Variants in CREBBP observed in about 807,000 individuals in gnomAD.
The protein encoded by CREBBP is CREB binding lysine acetyltransferase.
Under a neutral mutation model 265.0 loss-of-function variants are expected in CREBBP, and 19 were observed. The ratio of observed to expected loss-of-function variants is 0.07; its 90% CI spans 0.05 to 0.11. CREBBP has a LOEUF of 0.11. Ranked by LOEUF, CREBBP falls within the 10% of genes least tolerant of loss-of-function variation. The pLI is 1.00. For synonymous variants in CREBBP, 1,457 were observed against 1,223.7 expected, an observed-to-expected ratio of 1.19 and a Z score of -3.98; for missense variants, 2,525 against 3,219.0, an observed-to-expected ratio of 0.78 and a Z score of 5.22.
chr16:3,809,302 T>C (rs2141342399), intron 3 of CREBBP, among the ~76,000 whole-genome samples: 1 of 152,136 alleles, frequency 6.6e-6, no homozygotes, highest in East Asian at 1.9e-4. Context: ...CTCAGCCTCC[T>C]GAGTAGCTGG....
chr16:3,737,714 T>G (rs1259959864), intron 26 of CREBBP, among the ~76,000 whole-genome samples: 1 of 151,562 alleles, frequency 6.6e-6, no homozygotes, highest in Non-Finnish European at 1.5e-5. Flanking sequence ...TCCACCTGCC[T>G]TGGCCTCCCA....
intron 23 of CREBBP, chr16:3,741,876 C>T (rs1043612020): frequency 6.6e-6 from 1 of 152,160 alleles, no homozygotes; most frequent in Non-Finnish European, 1.5e-5. Flanking sequence ...GCGATCGGGA[C>T]CATCCTGGCT....
chr16:3,726,240 G>C lies in CREBBP; in HGVS notation c.*1478C>G, dbSNP rs571576565. 2,912 of 166,436 alleles carry C rather than the reference G, an allele frequency of 0.017. 34 individuals carry two copies. Among genetic ancestry groups the C allele is most frequent in the Non-Finnish European group, 0.025 (2,039 of 80,132 alleles). 10.3% of individuals were successfully genotyped at this position (166,436 alleles called of 1,614,324 possible). On this transcript the variant is annotated 3_prime_UTR_variant, in exon 31 of 31. Transcript: ENST00000262367. Reference sequence around the variant, plus strand: ...GCCTCAGATTCTGGGAGTCGTGTACGGGGGGGGGGAGCCGCCTGAACACGG... The same window carrying C: ...GCCTCAGATTCTGGGAGTCGTGTACCGGGGGGGGGAGCCGCCTGAACACGG...
chr16:3,761,613 C>T (rs1032111389), intron 16 of CREBBP: 3 of 517,124 alleles, frequency 5.8e-6, no homozygotes, highest in East Asian at 1.1e-4. Context: ...CTCCAGGGCA[C>T]GTGGCTGCTT....
rs1487159105 is a variant in CREBBP at position 3,791,995 on chromosome 16, T to C, written c.1316A>G (p.Lys439Arg). 6.2e-7 allele frequency: 1 copy of C among 1,613,986 alleles called. No homozygotes were observed. The highest frequency in any genetic ancestry group is 1.7e-5 in the Admixed American group (1 of 60,030). ...TGCTCACTTACTTTGTTGGTTTCGC[T>C]TGTCACTGGCATTTTTCAAAGGGAG... The part of the protein sequence containing the change: ...VCLPLKNASD[K>R]RNQQTILGSP... The change falls in exon 5 of 31, where the codon AAG becomes AGG. Residue 439 changes from lysine (K) to arginine (R), a missense_variant. By Grantham distance (26) the Lys-to-Arg change is conservative (BLOSUM62 2). Coordinates refer to ENST00000262367, the MANE Select transcript of CREBBP (RefSeq NM_004380.3).
rs751269149 is a variant in CREBBP at position 3,770,939 on chromosome 16, C to A, written c.2511G>T (p.Gly837=). The A allele has an allele frequency of 6.8e-6, 11 of 1,613,656 alleles. No homozygotes were observed. Among genetic ancestry groups the A allele is most frequent in the Non-Finnish European group, 8.5e-6 (10 of 1,180,008 alleles). Residue 837 remains glycine (G), a synonymous_variant, in exon 14 of 31, where the codon GGG becomes GGT. Coordinates refer to ENST00000262367, the MANE Select transcript of CREBBP (RefSeq NM_004380.3). ...GGCAAGGTAGCTGGCTGGCCTGAGG[C>A]CCCAGCATGTTGAGAGGGTTAGGAA... ...AALPNPLNML[G]PQASQLPCPP... is the part of the protein sequence containing the mutation.
At position 3,823,683 on chromosome 16, in the gene CREBBP, T is replaced by C. The variant is rs1444161360; in HGVS notation, c.799-12904A>G. On this transcript the variant is annotated intron_variant, in intron 2 of 30. Transcript: ENST00000262367. ...TGCTGTTTGAACTCTGGTTCAAAGT[T>C]TAGGCAGCAAGGGATGCCCCTTCAT... 5.3e-5 allele frequency among the ~76,000 whole-genome samples: 8 copies of C among 152,168 alleles called. No homozygotes were observed. The East Asian group carries it at 1.5e-3, about 29-fold the overall frequency.
intron 15 of CREBBP, 63 bp from the exon 16 acceptor site, chr16:3,767,972 C>A (rs139738704): frequency 1.3e-6 from 2 of 1,497,428 alleles, no homozygotes; most frequent in Non-Finnish European, 1.9e-6. Context: ...CGCAACCTCA[C>A]GGGAAGACTC....
chr16:3,767,525 G>A (rs374284298), intron 16 of CREBBP, 195 bp downstream of exon 16: 86 of 696,046 alleles, frequency 1.2e-4, no homozygotes, highest in Admixed American at 1.7e-4. Flanking sequence ...CTCCTGCCAT[G>A]AGCCCCACAG....
chr16:3,799,562 A>G (rs752157178), intron 3 of CREBBP, among the ~76,000 whole-genome samples: 4 of 152,248 alleles, frequency 2.6e-5, no homozygotes, highest in Non-Finnish European at 5.9e-5. Flanking sequence ...CTCATGATTC[A>G]TTGTTAAGGA....
rs947791743 is a variant in CREBBP at position 3,773,400 on chromosome 16, T to C, written c.2463+351A>G. On this transcript the variant is annotated intron_variant, in intron 13 of 30. Coordinates refer to ENST00000262367, the MANE Select transcript of CREBBP (RefSeq NM_004380.3). ...GAATTCATGGGTCCTTCTCACTCGC[T>C]TTTTAAAATCCTAATGCCTCTCAGG... is the stretch of plus-strand genomic sequence containing the variant. 5.3e-5 allele frequency among the ~76,000 whole-genome samples: 8 copies of C among 152,194 alleles called. No individual in the cohort carries two copies. The South Asian group carries it at 6.2e-4, about 12-fold the overall frequency.
intron 3 of CREBBP, among the ~76,000 whole-genome samples, chr16:3,808,389 G>A (rs1270527793): frequency 6.6e-6 from 1 of 152,234 alleles, no homozygotes; most frequent in East Asian, 1.9e-4. Context: ...AAGGCTGTAA[G>A]CACCCAGTGG....
At chr16:3,753,798 C>T (rs2052527829) in intron 19 of CREBBP, among the ~76,000 whole-genome samples, 1 of 152,090 alleles carries the variant, frequency 6.6e-6, no homozygotes, top group African/African-American at 2.4e-5. Flanking sequence ...ATTGAGTGCC[C>T]CATTCATGAT....
At chr16:3,743,100 G>A (rs979127838) in intron 23 of CREBBP, 2 of 152,188 alleles carry the variant, frequency 1.3e-5, no homozygotes, top group African/African-American at 4.8e-5. Flanking sequence ...TCAAATGGAG[G>A]CAACTGTGCC....
chr16:3,750,570 T>C (rs1325698553), intron 20 of CREBBP, among the ~76,000 whole-genome samples: 3 of 152,230 alleles, frequency 2.0e-5, no homozygotes, highest in African/African-American at 7.2e-5. Context: ...TAACACAATT[T>C]GTGCATTTGC....
chr16:3,798,627 T>C (rs912143189), intron 3 of CREBBP, among the ~76,000 whole-genome samples: 5 of 152,206 alleles, frequency 3.3e-5, no homozygotes, highest in African/African-American at 4.8e-5. Flanking sequence ...CACAGTGAGA[T>C]ACCACTTCAC....
chr16:3,726,365 G>A lies in CREBBP; in HGVS notation c.*1353C>T, dbSNP rs2051745325. The A allele has an allele frequency of 4.3e-6, 1 of 233,282 alleles. No individual in the cohort carries two copies. The highest frequency in any genetic ancestry group is 8.5e-6 in the Non-Finnish European group (1 of 118,066). The allele number at this position is 233,282 out of a possible 1,614,324, so 14.5% of individuals were successfully genotyped here. A position where few individuals can be genotyped will look rare whatever the true frequency, so the allele number is the denominator to read the frequency against. ...GACCAACTGACGACCCTAACTGTGT[G>A]AGCGACAATCACCTGTGAGCCTCGA... On this transcript the variant is annotated 3_prime_UTR_variant, in exon 31 of 31. Coordinates refer to ENST00000262367, the MANE Select transcript of CREBBP (RefSeq NM_004380.3).
chr16:3,828,087 CT>C (rs374411381), intron 2 of CREBBP, among the ~76,000 whole-genome samples: 4 of 148,852 alleles, frequency 2.7e-5, no homozygotes, highest in South Asian at 2.1e-4. Flanking sequence ...AAGCTGACTT[CT>C]TTTTTTTTTG....
intron 3 of CREBBP, among the ~76,000 whole-genome samples, chr16:3,809,834 C>T (rs2053901149): frequency 6.6e-6 from 1 of 152,086 alleles, no homozygotes; most frequent in South Asian, 2.1e-4. Flanking sequence ...CTTCCCAAAT[C>T]ACTATGGCAG....
Sources: allele counts gnomAD v4.1 joint callset (sites outside exome capture counted in the v4.1 genomes callset), GRCh38; gene constraint gnomAD v4.1.1; transcripts MANE v1.5; gene names NCBI Gene and HGNC (gene_info 2026-07-23, HGNC 2026-07-21).